Variants in SEMA3D observed in about 807,000 individuals in gnomAD.
SEMA3D encodes semaphorin-3D.
In SEMA3D, 84 loss-of-function variants were observed where a neutral mutation model predicts 100.1. The observed-to-expected ratio is 0.84, with a 90% CI of 0.70 to 1.01. The LOEUF is 1.01. Ranked by LOEUF, SEMA3D falls within the 50% of genes least tolerant of loss-of-function variation. SEMA3D has a pLI of 0.00. For synonymous variants in SEMA3D, 312 were observed against 320.7 expected, an observed-to-expected ratio of 0.97 and a Z score of 0.29; for missense variants, 875 against 934.1, an observed-to-expected ratio of 0.94 and a Z score of 0.82.
At chr7:85,153,134 C>T (rs1790477614) in intron 2 of SEMA3D, among the ~76,000 whole-genome samples, 1 of 152,060 alleles carries the variant, frequency 6.6e-6, no homozygotes, top group Admixed American at 6.6e-5. Context: ...CCCTACTATA[C>T]AAAAAGACTG....
rs577591376 is a variant in SEMA3D at position 85,098,957 on chromosome 7, A to C, written c.152-992T>G. 8.6e-5 allele frequency among the ~76,000 whole-genome samples: 13 copies of C among 151,754 alleles called. No homozygotes were observed. The East Asian group carries it at 2.1e-3, about 25-fold the overall frequency. ...TTGCCTTTGCAGATTGGCTTCTTTC[A>C]CTTAGTAATATGCATTTAAGTTTGC... On this transcript the variant is annotated intron_variant, in intron 3 of 18. Coordinates refer to ENST00000284136, the MANE Select transcript of SEMA3D (RefSeq NM_001384900.1).
intron 8 of SEMA3D, among the ~76,000 whole-genome samples, chr7:85,061,824 T>G (rs1791486689): frequency 6.6e-6 from 1 of 152,196 alleles, no homozygotes; most frequent in Non-Finnish European, 1.5e-5. Flanking sequence ...AGCTCTGGCC[T>G]GCCTTTCCCT....
chr7:85,206,051 C>T, the SEMA3D span, among the ~76,000 whole-genome samples: 4 of 152,098 alleles, frequency 2.6e-5, no homozygotes, highest in Non-Finnish European at 5.9e-5. Context: ...TCCGTGAAAA[C>T]TAATGTTTCT....
chr7:85,127,277 T>C (rs536137801), intron 2 of SEMA3D, among the ~76,000 whole-genome samples: 1 of 152,294 alleles, frequency 6.6e-6, no homozygotes, highest in Non-Finnish European at 1.5e-5. Flanking sequence ...CCTACATTTT[T>C]ATTTTGTAGC....
At position 84,999,713 on chromosome 7, in the gene SEMA3D, T is replaced by C. The variant is rs144931347; in HGVS notation, c.2061A>G (p.Glu687=). 521 of 1,614,092 alleles carry C rather than the reference T, an allele frequency of 3.2e-4. No homozygotes were observed. Among genetic ancestry groups the C allele is most frequent in the Middle Eastern group, 9.9e-4 (6 of 6,062 alleles). Residue 687 remains glutamate, a synonymous_variant, in exon 19 of 19, where the codon GAA becomes GAG. Transcript: ENST00000284136. Reference sequence around the variant, plus strand: ...CTGCCCTCTGGGTATTTTCCATCTGTTCATTCTCAATGACATTCAAAGTCA... The same window carrying C: ...CTGCCCTCTGGGTATTTTCCATCTGCTCATTCTCAATGACATTCAAAGTCA... ...VKLTLNVIEN[E]QMENTQRAEH... is the part of the protein sequence containing the mutation.
At chr7:85,083,355 G>A (rs1788116048) in intron 4 of SEMA3D, among the ~76,000 whole-genome samples, 1 of 152,134 alleles carries the variant, frequency 6.6e-6, no homozygotes, top group Non-Finnish European at 1.5e-5. Context: ...ACTAAAGTGG[G>A]CAATGCATGG....
At chr7:85,187,805 T>C (rs1033586565), upstream of SEMA3D, among the ~76,000 whole-genome samples, 1 of 152,138 alleles carries the variant, frequency 6.6e-6, no homozygotes, top group Non-Finnish European at 1.5e-5. Context: ...TCTGCAAAAA[T>C]ATATGACAAT....
intron 1 of SEMA3D, among the ~76,000 whole-genome samples, chr7:85,158,477 C>T (rs1343580940): frequency 3.3e-5 from 5 of 152,086 alleles, no homozygotes. Context: ...TTGGTCAGAC[C>T]GATTGTCTGC....
At chr7:85,232,643 T>C in the SEMA3D span, among the ~76,000 whole-genome samples, 1 of 152,158 alleles carries the variant, frequency 6.6e-6, no homozygotes, top group East Asian at 1.9e-4. Context: ...GTCGTATCAT[T>C]TTTTTCAGGG....
At chr7:85,108,692 C>T (rs1252395471) in intron 3 of SEMA3D, among the ~76,000 whole-genome samples, 7 of 151,938 alleles carry the variant, frequency 4.6e-5, no homozygotes, top group Admixed American at 4.6e-4. Context: ...TTCATTCTTC[C>T]TCACACTAGA....
chr7:85,122,027 A>G (rs1032680060), intron 2 of SEMA3D, 96 bp from the exon 3 acceptor site: 14 of 602,728 alleles, frequency 2.3e-5, no homozygotes, highest in Non-Finnish European at 3.3e-5. Flanking sequence ...CTTAAGTGGG[A>G]GTTGAACAAT....
the SEMA3D span, among the ~76,000 whole-genome samples, chr7:85,224,567 T>C: frequency 6.6e-6 from 1 of 152,194 alleles, no homozygotes. Context: ...CTGCCTAAAG[T>C]AACAGTGTTA....
the SEMA3D span, among the ~76,000 whole-genome samples, chr7:85,244,624 GGAGTTA>G: frequency 6.6e-6 from 1 of 151,956 alleles, no homozygotes. Context: ...AATAATGACA[GGAGTTA>G]GAGGGGTAAT....
intron 1 of SEMA3D, among the ~76,000 whole-genome samples, chr7:85,158,478 G>C (rs187111346): frequency 2.5e-4 from 38 of 152,216 alleles, no homozygotes; most frequent in Non-Finnish European, 7.4e-5. Context: ...TGGTCAGACC[G>C]ATTGTCTGCT....
intron 11 of SEMA3D, among the ~76,000 whole-genome samples, chr7:85,037,802 C>CT (rs1167995336): frequency 6.6e-6 from 1 of 151,928 alleles, no homozygotes; most frequent in Admixed American, 6.6e-5. Flanking sequence ...ATTCAGATGT[C>CT]TTTTTTTGCT....
intron 2 of SEMA3D, among the ~76,000 whole-genome samples, chr7:85,123,727 A>T (rs2116410547): frequency 6.6e-6 from 1 of 152,242 alleles, no homozygotes; most frequent in East Asian, 1.9e-4. Context: ...ACATTCAAAG[A>T]TACCTATAAG....
chr7:85,189,155 A>G (rs1791639250), upstream of SEMA3D, among the ~76,000 whole-genome samples: 1 of 152,162 alleles, frequency 6.6e-6, no homozygotes, highest in Admixed American at 6.5e-5. Flanking sequence ...AACTGTTAAT[A>G]TGTTGCCCAA....
the SEMA3D span, among the ~76,000 whole-genome samples, chr7:85,204,823 T>C: frequency 7.2e-5 from 11 of 152,056 alleles, no homozygotes; most frequent in Non-Finnish European, 1.6e-4. Flanking sequence ...TCTTTCCAAA[T>C]ATAGTAAGAA....
intron 4 of SEMA3D, among the ~76,000 whole-genome samples, chr7:85,093,635 T>C (rs1022938617): frequency 1.6e-4 from 24 of 152,056 alleles, no homozygotes; most frequent in Middle Eastern, 6.3e-3. Context: ...CTGTTAGCTA[T>C]CTATTCCACG....
Sources: allele counts gnomAD v4.1 joint callset (sites outside exome capture counted in the v4.1 genomes callset), GRCh38; gene constraint gnomAD v4.1.1; transcripts MANE v1.5; gene names NCBI Gene and HGNC (gene_info 2026-07-23, HGNC 2026-07-21).